Variants in MYO6 observed in about 807,000 individuals in gnomAD.
MYO6 encodes the protein unconventional myosin-VI.
A neutral mutation model predicts 178.7 loss-of-function variants in MYO6; 74 were observed. That is an observed-to-expected ratio of 0.41 (90% CI 0.34 to 0.50). The LOEUF is 0.50. Among genes scored for constraint, MYO6 ranks in the 20% least tolerant of loss-of-function variants. The probability of loss-of-function intolerance (pLI) is 0.09; values close to 1 mark genes in which losing one functional copy is unlikely to be tolerated. For missense variants in MYO6, 1,330 were observed against 1,547.4 expected, an observed-to-expected ratio of 0.86 and a Z score of 2.36; for synonymous variants, 477 against 504.6, an observed-to-expected ratio of 0.95 and a Z score of 0.73.
At chr6:75,818,692 C>A (rs1771542950) in intron 2 of MYO6, among the ~76,000 whole-genome samples, 2 of 152,110 alleles carry the variant, frequency 1.3e-5, no homozygotes, top group African/African-American at 4.8e-5. Flanking sequence ...GAGGTCTTTT[C>A]ACAGAGAAAA....
intron 10 of MYO6, among the ~76,000 whole-genome samples, chr6:75,846,153 T>C (rs1774713397): frequency 6.6e-6 from 1 of 151,984 alleles, no homozygotes; most frequent in African/African-American, 2.4e-5. Context: ...GTTCTTAATG[T>C]AAAAATTTAC....
In MYO6 at chr6:75,858,949, A is replaced by G. The variant is rs541234410; in HGVS notation, c.1429A>G (p.Asn477Asp). The stretch of plus-strand genomic sequence containing the variant: ...TGAACAATTTTGCATCAACTATTGC[A>G]ATGAAAAACTTCAACAATTTTTTAA... The part of the protein sequence containing the change: ...SFEQFCINYC[N>D]EKLQQFFNER... The change falls in exon 14 of 35, where the codon AAT becomes GAT. Residue 477 changes from asparagine to aspartate, a missense_variant. Transcript: ENST00000369977. 6.2e-7 allele frequency: 1 copy of G among 1,611,382 alleles called. No individual in the cohort carries two copies. The highest frequency in any genetic ancestry group is 2.2e-5 in the East Asian group (1 of 44,802).
rs1014702098 is a variant in MYO6, at chr6:75,909,651, C to G, written c.3412+1024C>G. Among the ~76,000 whole-genome samples, 8 of 152,180 alleles carry G rather than the reference C, an allele frequency of 5.3e-5. No individual in the cohort carries two copies. The South Asian group carries it at 1.7e-3, about 32-fold the overall frequency. Reference sequence around the variant, plus strand: ...GTGATATGCGAGTTGTAATTTCAATCTTTAAAGCAATAATTGGACTTACTG... The same window carrying G: ...GTGATATGCGAGTTGTAATTTCAATGTTTAAAGCAATAATTGGACTTACTG... On this transcript the variant is annotated intron_variant, in intron 32 of 34. Coordinates refer to ENST00000369977, the MANE Select transcript of MYO6 (RefSeq NM_004999.4).
At chr6:75,784,687 G>C (rs1306742582) in intron 1 of MYO6, among the ~76,000 whole-genome samples, 1 of 146,712 alleles carries the variant, frequency 6.8e-6, no homozygotes, top group African/African-American at 2.5e-5. Flanking sequence ...TGAGGCAGGA[G>C]AATGGCGTGA....
rs988203189 is a variant in MYO6 at position 75,919,326 on chromosome 6, C to G, written c.*4314C>G. On this transcript the variant is annotated 3_prime_UTR_variant, in exon 35 of 35. Transcript: ENST00000369977. ...GTTATTCCACTCTTTATGTCCATATCTACACATTCAATCCTAATTTGTACC... is the reference window on the plus strand; with the variant it reads ...GTTATTCCACTCTTTATGTCCATATGTACACATTCAATCCTAATTTGTACC... The G allele has an allele frequency of 6.6e-6, 1 of 152,330 alleles. No homozygotes were observed. Among genetic ancestry groups the G allele is most frequent in the African/African-American group, 2.4e-5 (1 of 41,448 alleles). 9.4% of individuals were successfully genotyped at this position (152,330 alleles called of 1,614,324 possible).
intron 1 of MYO6, among the ~76,000 whole-genome samples, 197 bp from the exon 2 acceptor site, chr6:75,817,304 C>CAAA (rs759910571): frequency 1.6e-5 from 1 of 62,990 alleles, no homozygotes; most frequent in Non-Finnish European, 3.6e-5. Context: ...GATTCCGTCT[C>CAAA]AAAAAAAAAA....
chr6:75,768,011 T>G (rs2150010356), intron 1 of MYO6: 1 of 152,236 alleles, frequency 6.6e-6, no homozygotes, highest in Non-Finnish European at 1.5e-5. Flanking sequence ...CCTAAGTAGC[T>G]GGGATTACAT....
chr6:75,853,237 TC>T (rs1463509770), intron 11 of MYO6, among the ~76,000 whole-genome samples: 1 of 152,188 alleles, frequency 6.6e-6, no homozygotes, highest in Non-Finnish European at 1.5e-5. Flanking sequence ...TAAGTACAAG[TC>T]CTTTATCAGA....
At chr6:75,874,220 A>G (rs999546557) in intron 20 of MYO6, among the ~76,000 whole-genome samples, 1 of 151,960 alleles carries the variant, frequency 6.6e-6, no homozygotes, top group African/African-American at 2.4e-5. Flanking sequence ...CCCCCGCCTC[A>G]CAAATCTAGA....
rs1327127652 is a variant in MYO6 at position 75,890,051 on chromosome 6, T to C, written c.2659-6T>C. 3 of 1,600,686 alleles carry C rather than the reference T, an allele frequency of 1.9e-6. No individual in the cohort carries two copies. In the African/African-American group the frequency reaches 4.0e-5, roughly 21 times the overall value. ...TTTACGTACCTATTTATTTTATTTTTTAAAGTCCACTATGATGACGCAGGA... is the reference window on the plus strand; with the variant it reads ...TTTACGTACCTATTTATTTTATTTTCTAAAGTCCACTATGATGACGCAGGA... On this transcript the variant is annotated splice_region_variant and splice_polypyrimidine_tract_variant and intron_variant, in intron 25 of 34. Coordinates refer to ENST00000369977, the MANE Select transcript of MYO6 (RefSeq NM_004999.4).
chr6:75,913,644 TTTG>T (rs1274641775), intron 33 of MYO6, among the ~76,000 whole-genome samples: 2 of 152,224 alleles, frequency 1.3e-5, no homozygotes, highest in African/African-American at 4.8e-5. Flanking sequence ...TACTGTTTAT[TTTG>T]TTCTATCATA....
chr6:75,827,822 A>G (rs937793863), intron 3 of MYO6, among the ~76,000 whole-genome samples: 4 of 152,276 alleles, frequency 2.6e-5, no homozygotes, highest in South Asian at 2.1e-4. Flanking sequence ...AAGGTTTACA[A>G]TTTCAGTGAC....
chr6:75,888,119 G>A (rs1295201857), intron 25 of MYO6, among the ~76,000 whole-genome samples: 3 of 151,740 alleles, frequency 2.0e-5, no homozygotes, highest in Non-Finnish European at 4.4e-5. Flanking sequence ...GTGAATCGCC[G>A]TCTCTACTGA....
intron 30 of MYO6, among the ~76,000 whole-genome samples, chr6:75,903,994 T>C (rs1283009345): frequency 3.3e-5 from 5 of 152,138 alleles, no homozygotes; most frequent in South Asian, 2.1e-4. Flanking sequence ...TGAAGCTTAG[T>C]TTGGCTGGAT....
At chr6:75,751,937 A>C (rs1274847655) in intron 1 of MYO6, among the ~76,000 whole-genome samples, 1 of 152,114 alleles carries the variant, frequency 6.6e-6, no homozygotes, top group African/African-American at 2.4e-5. Context: ...TATATATTAA[A>C]ATATCTAAAA....
chr6:75,787,718 CTCTCTCTCTCTCTATATATATATATA>C (rs1374092998), intron 1 of MYO6, among the ~76,000 whole-genome samples: 9 of 41,826 alleles, frequency 2.2e-4, no homozygotes, highest in South Asian at 8.2e-4. Flanking sequence ...CTCTCTCTCT[CTCTCTCTCTCTCTATATATATATATA>C]TATATATATA....
At chr6:75,769,557 G>A (rs1466146094) in intron 1 of MYO6, among the ~76,000 whole-genome samples, 3 of 152,206 alleles carry the variant, frequency 2.0e-5, no homozygotes, top group Non-Finnish European at 2.9e-5. Context: ...GGTGCAAGTC[G>A]TGGGCTCCCA....
chr6:75,849,986 GA>G (rs1775108231), intron 11 of MYO6, among the ~76,000 whole-genome samples: 1 of 152,110 alleles, frequency 6.6e-6, no homozygotes, highest in African/African-American at 2.4e-5. Context: ...AGTTTCAGGG[GA>G]GGGGGAAGGG....
chr6:75,838,732 G>A (rs1238342293), intron 7 of MYO6, among the ~76,000 whole-genome samples: 1 of 151,068 alleles, frequency 6.6e-6, no homozygotes, highest in Non-Finnish European at 1.5e-5. Flanking sequence ...CAAGATCTCG[G>A]CTCACCTCAA....
Sources: allele counts gnomAD v4.1 joint callset (sites outside exome capture counted in the v4.1 genomes callset), GRCh38; gene constraint gnomAD v4.1.1; transcripts MANE v1.5; gene names NCBI Gene and HGNC (gene_info 2026-07-23, HGNC 2026-07-21).